DOCK10: variants seen among roughly 807,000 people sequenced by gnomAD.
DOCK10 encodes the protein dedicator of cytokinesis protein 10.
In DOCK10, 145 loss-of-function variants were observed where a neutral mutation model predicts 280.1. The ratio of observed to expected loss-of-function variants is 0.52; its 90% CI spans 0.45 to 0.59. The LOEUF (loss-of-function observed/expected upper bound fraction) is 0.59. Among genes scored for constraint, DOCK10 ranks in the 20% least tolerant of loss-of-function variants. The pLI is 0.00. For synonymous variants in DOCK10, 915 were observed against 942.2 expected (o/e 0.97, Z 0.53); for missense variants, 2,368 against 2,651.7 (o/e 0.89, Z 2.35).
chr2:224,911,712 T>C (rs62186347), intron 3 of DOCK10, among the ~76,000 whole-genome samples: 86,665 of 151,956 alleles, frequency 0.57, 25,479 homozygotes, highest in Non-Finnish European at 0.64. Context: ...GCTAGGAACA[T>C]TTGTTCATGT....
intron 3 of DOCK10, among the ~76,000 whole-genome samples, chr2:224,908,425 G>C (rs905095698): frequency 1.1e-4 from 11 of 99,220 alleles, no homozygotes; most frequent in African/African-American, 3.9e-4. Context: ...TTGTGTGTGT[G>C]TGTGTGTGTG....
At chr2:224,774,773 A>G (rs1690712850) in intron 52 of DOCK10, 132 bp downstream of exon 52, 4 of 801,348 alleles carry the variant, frequency 5.0e-6, no homozygotes, top group African/African-American at 1.7e-5. Context: ...CTTGGCAAAC[A>G]TTTCCCAGTT....
chr2:224,844,698 C>A lies in DOCK10; in HGVS notation c.2568+55G>T, dbSNP rs150986432. ...TCTCATCCTGTAAATAGGGGAATTA[C>A]CTCATGATGCTGTGAGTTAGAGAAG... On this transcript the variant is annotated intron_variant, in intron 22 of 55. Coordinates refer to ENST00000258390, the MANE Select transcript of DOCK10 (RefSeq NM_014689.3). 40 of 1,126,634 alleles carry A rather than the reference C, an allele frequency of 3.6e-5. No individual in the cohort carries two copies. In the African/African-American group the frequency reaches 5.2e-4, roughly 15 times the overall value. The allele number at this position is 1,126,634 out of a possible 1,614,324, so 69.8% of individuals were successfully genotyped here.
intron 2 of DOCK10, among the ~76,000 whole-genome samples, chr2:224,925,895 G>A (rs937447530): frequency 6.6e-6 from 1 of 152,120 alleles, no homozygotes; most frequent in East Asian, 1.9e-4. Context: ...ATGATTCAAT[G>A]TGTCCTTGAA....
intron 14 of DOCK10, chr2:224,860,513 G>A (rs1055644089): frequency 2.0e-5 from 3 of 151,634 alleles, no homozygotes; most frequent in African/African-American, 7.3e-5. Context: ...ATAAAGTCAG[G>A]TTATAAGTAA....
In DOCK10 at chr2:224,865,027, C is replaced by G. The variant is rs767029372; in HGVS notation, c.1318G>C (p.Ala440Pro). The G allele has an allele frequency of 6.2e-7, 1 of 1,613,942 alleles. No homozygotes were observed. Among genetic ancestry groups the G allele is most frequent in the Non-Finnish European group, 8.5e-7 (1 of 1,179,884 alleles). Residue 440 changes from alanine to proline, a missense_variant, in exon 12 of 56, where the codon GCT (alanine) becomes CCT (proline). This residue lies in a region of DOCK10 where 1,209 missense variants were observed against 1,250.9 expected (regional missense o/e 0.97). Coordinates refer to ENST00000258390, the MANE Select transcript of DOCK10 (RefSeq NM_014689.3). ...YDLRDSRKIS[A>P]DFHVDLNHAA... Reference sequence around the variant, plus strand: ...TGGTTTAGATCCACATGAAAATCAGCAGAAATCTTCCTGCTGTCTCTGAGG... The same window carrying G: ...TGGTTTAGATCCACATGAAAATCAGGAGAAATCTTCCTGCTGTCTCTGAGG...
intron 50 of DOCK10, 143 bp from the exon 51 acceptor site, chr2:224,778,427 A>C: frequency 3.9e-6 from 3 of 772,560 alleles, no homozygotes; most frequent in Non-Finnish European, 6.6e-6. Context: ...AAAATTCAAA[A>C]TCGGAGAAGA....
rs1211610433 is a variant in DOCK10 at position 224,807,803 on chromosome 2, A to G, written c.3586-19T>C. 1.3e-6 allele frequency: 2 copies of G among 1,563,288 alleles called. No individual in the cohort carries two copies. The highest frequency in any genetic ancestry group is 4.6e-5 in the East Asian group (2 of 43,044). ...GCTTTCTCTAGGAGAAAAGGTAGCC[A>G]AAAGAAATGATTCATGTAAAAATCA... On this transcript the variant is annotated intron_variant, in intron 32 of 55. Transcript: ENST00000258390.
intron 7 of DOCK10, among the ~76,000 whole-genome samples, chr2:224,878,358 GA>G (rs1698768104): frequency 6.6e-6 from 1 of 152,158 alleles, no homozygotes; most frequent in African/African-American, 2.4e-5. Flanking sequence ...GTTTTGGGGA[GA>G]TTAATTAAAA....
At chr2:224,975,705 A>G (rs1354316537) in intron 1 of DOCK10, among the ~76,000 whole-genome samples, 4 of 152,202 alleles carry the variant, frequency 2.6e-5, no homozygotes, top group African/African-American at 9.6e-5. Flanking sequence ...AAATTAAACA[A>G]ATGTATGTTC....
At chr2:224,966,973 C>T (rs1704785884) in intron 1 of DOCK10, among the ~76,000 whole-genome samples, 1 of 151,896 alleles carries the variant, frequency 6.6e-6, no homozygotes, top group African/African-American at 2.4e-5. Context: ...TTGCAAACCC[C>T]TTCAGTTTAA....
At chr2:224,980,083 T>C (rs186821453) in intron 1 of DOCK10, among the ~76,000 whole-genome samples, 25 of 152,240 alleles carry the variant, frequency 1.6e-4, no homozygotes, top group Non-Finnish European at 3.5e-4. Flanking sequence ...GATTAGCCAA[T>C]ATAAGAACAT....
intron 1 of DOCK10, among the ~76,000 whole-genome samples, chr2:224,965,396 A>C (rs1463655325): frequency 6.6e-6 from 1 of 152,216 alleles, no homozygotes; most frequent in Non-Finnish European, 1.5e-5. Flanking sequence ...ATGTTCCTAC[A>C]CAAGACGGTC....
At chr2:224,850,825 G>A (rs1017615938) in intron 18 of DOCK10, among the ~76,000 whole-genome samples, 2 of 151,936 alleles carry the variant, frequency 1.3e-5, no homozygotes, top group African/African-American at 4.8e-5. Flanking sequence ...TGTAAGACAT[G>A]CCTCTTTCCC....
At chr2:224,837,724 C>A (rs750511399) in intron 25 of DOCK10, 38 bp downstream of exon 25, 2 of 1,561,190 alleles carry the variant, frequency 1.3e-6, no homozygotes, top group Admixed American at 3.3e-5. Context: ...TCACACAGCA[C>A]AAGGGGATAT....
intron 4 of DOCK10, among the ~76,000 whole-genome samples, 152 bp downstream of exon 4, chr2:224,896,143 A>T (rs1209820514): frequency 1.3e-5 from 2 of 152,162 alleles, no homozygotes; most frequent in African/African-American, 4.8e-5. Flanking sequence ...TGTTGAACAA[A>T]ATGTCCTATC....
At chr2:224,902,898 C>T (rs1412949292) in intron 3 of DOCK10, among the ~76,000 whole-genome samples, 2 of 152,036 alleles carry the variant, frequency 1.3e-5, no homozygotes, top group Admixed American at 6.6e-5. Context: ...CCGAGACCAT[C>T]CTGGCTAACA....
chr2:224,794,409 C>T (rs1692409593), intron 45 of DOCK10, among the ~76,000 whole-genome samples: 1 of 152,220 alleles, frequency 6.6e-6, no homozygotes, highest in Non-Finnish European at 1.5e-5. Context: ...GGACTCTCCT[C>T]ACATGGTGCT....
chr2:224,860,550 A>T (rs1643891694), intron 14 of DOCK10: 1 of 152,032 alleles, frequency 6.6e-6, no homozygotes, highest in South Asian at 2.1e-4. Flanking sequence ...TGGCTAATAA[A>T]GGATAGAGCG....
Sources: gnomAD v4.1 joint callset for allele counts (sites outside exome capture counted in the v4.1 genomes callset) on GRCh38, gnomAD v4.1.1 for gene constraint, gnomAD v4.1.1 regional missense constraint, MANE v1.5 for transcripts, NCBI Gene and HGNC (gene_info 2026-07-23, HGNC 2026-07-21) for gene names.